MYSM1: variants seen among roughly 807,000 people sequenced by gnomAD.
MYSM1 encodes the protein Myb like, SWIRM and MPN domains 1.
MYSM1 carries 51 observed loss-of-function variants against 116.0 expected under a neutral mutation model. The observed-to-expected ratio is 0.44, with a 90% CI of 0.35 to 0.56. The LOEUF is 0.56. MYSM1 is among the 20% of genes least tolerant of loss of function. The pLI is 0.00. For missense variants in MYSM1, 900 were observed against 974.9 expected, an observed-to-expected ratio of 0.92 and a Z score of 1.02; for synonymous variants, 313 against 315.2, an observed-to-expected ratio of 0.99 and a Z score of 0.07.
chr1:58,661,161 A>T lies in MYSM1; in HGVS notation c.2328+9T>A, dbSNP rs1380716845. 3 of 1,607,350 alleles carry T rather than the reference A, an allele frequency of 1.9e-6. No homozygotes were observed. In the Admixed American group the frequency reaches 5.0e-5, roughly 27 times the overall value. ...AACAATGGAACCAATTAAAATGAAG[A>T]CAGCTTACTTTCTGCAAACAAGTCA... On this transcript the variant is annotated intron_variant, in intron 19 of 19. Coordinates refer to ENST00000472487, the MANE Select transcript of MYSM1 (RefSeq NM_001085487.3).
Position 58,658,419 on chromosome 1 carries a change from C to G in MYSM1, c.*1578G>C, listed in dbSNP as rs1306414391. ...AGAGTAGTCCAACGATTAGAATGAA[C>G]AATAAAATTTTAGTTCTGGAAGGAC... On this transcript the variant is annotated 3_prime_UTR_variant, in exon 20 of 20. Transcript: ENST00000472487. 6.6e-6 allele frequency: 1 copy of G among 151,512 alleles called. No homozygotes were observed. Among genetic ancestry groups the G allele is most frequent in the Non-Finnish European group, 1.5e-5 (1 of 67,932 alleles). 9.4% of individuals were successfully genotyped at this position (151,512 alleles called of 1,614,324 possible).
chr1:58,695,472 A>G (rs1307016609), intron 1 of MYSM1, among the ~76,000 whole-genome samples: 2 of 152,200 alleles, frequency 1.3e-5, no homozygotes, highest in African/African-American at 2.4e-5. Context: ...AGAATAAACA[A>G]TCTCATGAGG....
At chr1:58,675,394 A>C (rs1235393881) in intron 10 of MYSM1, 83 bp downstream of exon 10, 4 of 936,620 alleles carry the variant, frequency 4.3e-6, no homozygotes, top group Admixed American at 2.2e-5. Flanking sequence ...TCATTTATTA[A>C]ACAGCTCAAG....
At chr1:58,681,574 A>G (rs952375392) in intron 8 of MYSM1, among the ~76,000 whole-genome samples, 3 of 152,194 alleles carry the variant, frequency 2.0e-5, no homozygotes, top group African/African-American at 7.2e-5. Context: ...TTCCAGGCCC[A>G]CAATCTAATG....
intron 2 of MYSM1, among the ~76,000 whole-genome samples, chr1:58,693,343 G>A (rs553326686): frequency 2.0e-5 from 3 of 151,916 alleles, no homozygotes; most frequent in African/African-American, 4.8e-5. Flanking sequence ...CATTTTCAAC[G>A]CTCCAAGTTA....
Position 58,676,927 on chromosome 1 carries a change from A to G in MYSM1, c.1389T>C (p.Cys463=). Residue 463 remains cysteine, a splice_region_variant and synonymous_variant, in exon 9 of 20, where the codon TGT becomes TGC. Coordinates refer to ENST00000472487, the MANE Select transcript of MYSM1 (RefSeq NM_001085487.3). ...LELIGAINFG[C]EQAVYNRPQT... ...ATGTTGTTGGGTTTTTATTTTTACC[A>G]CATCCAAAATTGATTGCTCCTATCA... The G allele has an allele frequency of 6.2e-7, 1 of 1,610,014 alleles. No individual in the cohort carries two copies. The highest frequency in any genetic ancestry group is 8.5e-7 in the Non-Finnish European group (1 of 1,178,484).
chr1:58,672,632 CT>C (rs1313999583), intron 11 of MYSM1, among the ~76,000 whole-genome samples: 2 of 151,946 alleles, frequency 1.3e-5, no homozygotes, highest in African/African-American at 2.4e-5. Flanking sequence ...AACTATGCAC[CT>C]TTTCCAGAAT....
intron 19 of MYSM1, 65 bp downstream of exon 19, chr1:58,661,105 C>T: frequency 8.3e-7 from 1 of 1,198,618 alleles, no homozygotes; most frequent in Non-Finnish European, 1.2e-6. Flanking sequence ...CATGGGAAAA[C>T]ACATTGAGAT....
intron 8 of MYSM1, among the ~76,000 whole-genome samples, chr1:58,680,253 G>A (rs1309336771): frequency 1.3e-5 from 2 of 152,112 alleles, no homozygotes; most frequent in African/African-American, 4.8e-5. Flanking sequence ...GAAGACTGAA[G>A]TCCTTCATGT....
intron 8 of MYSM1, among the ~76,000 whole-genome samples, chr1:58,677,842 A>G (rs1304033406): frequency 1.3e-5 from 2 of 152,092 alleles, no homozygotes; most frequent in Non-Finnish European, 2.9e-5. Flanking sequence ...CTCATTTTGG[A>G]AATGAGGAAG....
chr1:58,667,758 T>G, intron 15 of MYSM1, 89 bp downstream of exon 15: 2 of 796,900 alleles, frequency 2.5e-6, no homozygotes, highest in Non-Finnish European at 4.3e-6. Flanking sequence ...AAGTCTGTAT[T>G]TTAATTATAT....
intron 15 of MYSM1, 129 bp downstream of exon 15, chr1:58,667,718 A>T (rs1644495253): frequency 3.2e-6 from 2 of 618,504 alleles, no homozygotes; most frequent in South Asian, 4.3e-5. Flanking sequence ...AACTTGCTAC[A>T]TTTGCATATT....
chr1:58,699,813 T>C (rs1015795644), intron 1 of MYSM1, 172 bp downstream of exon 1: 1 of 985,298 alleles, frequency 1.0e-6, no homozygotes, highest in African/African-American at 1.7e-5. Flanking sequence ...CCCTGCCCGC[T>C]GGGCTTGGGA....
Position 58,682,333 on chromosome 1 carries a change from G to C in MYSM1, c.711C>G (p.Pro237=), listed in dbSNP as rs1488611449. 1.1e-5 allele frequency: 18 copies of C among 1,613,956 alleles called. No individual in the cohort carries two copies. Among genetic ancestry groups the C allele is most frequent in the Non-Finnish European group, 1.4e-5 (17 of 1,179,950 alleles). The change falls in exon 8 of 20, where the codon CCC becomes CCG. Residue 237 remains proline (P), a synonymous_variant. Coordinates refer to ENST00000472487, the MANE Select transcript of MYSM1 (RefSeq NM_001085487.3). ...AGAGATCACTGCTAGAATTCTTCTG[G>C]GGTGTTTGAGAAGACAACTCGTCCA... The part of the protein sequence containing the change: ...DEVDELSSQT[P]QKNSSSDLLL...
At position 58,656,792 on chromosome 1, in the gene MYSM1, C is replaced by T. The variant is rs915152533; in HGVS notation, c.*3205G>A. Reference sequence around the variant, plus strand: ...CCAACTTATCCATTAGGCACAGTACCTAAGGCCCACAGTTTTTTAGAAGCC... The same window carrying T: ...CCAACTTATCCATTAGGCACAGTACTTAAGGCCCACAGTTTTTTAGAAGCC... On this transcript the variant is annotated 3_prime_UTR_variant, in exon 20 of 20. Coordinates refer to ENST00000472487, the MANE Select transcript of MYSM1 (RefSeq NM_001085487.3). 3.3e-5 allele frequency: 5 copies of T among 152,116 alleles called. No individual in the cohort carries two copies. Among genetic ancestry groups the T allele is most frequent in the Admixed American group, 3.3e-4 (5 of 15,264 alleles). 9.4% of individuals were successfully genotyped at this position (152,116 alleles called of 1,614,324 possible). A position where few individuals can be genotyped will look rare whatever the true frequency, so the allele number is the denominator to read the frequency against.
In MYSM1 at chr1:58,657,721, TACAAG is replaced by T. The variant is rs780582966; in HGVS notation, c.*2271_*2275del. ...CTTCTCTGTATTTTAAAATATACTT[TACAAG>T]ACAAATGTACTCTATAGTCAGAAAA... On this transcript the variant is annotated 3_prime_UTR_variant, in exon 20 of 20. Coordinates refer to ENST00000472487, the MANE Select transcript of MYSM1 (RefSeq NM_001085487.3). 2.0e-5 allele frequency: 3 copies of T among 152,188 alleles called. No homozygotes were observed. The highest frequency in any genetic ancestry group is 2.9e-5 in the Non-Finnish European group (2 of 68,034). The allele number at this position is 152,188 out of a possible 1,614,324, so 9.4% of individuals were successfully genotyped here.
intron 11 of MYSM1, 152 bp from the exon 12 acceptor site, chr1:58,672,110 G>A (rs1644570726): frequency 1.6e-6 from 1 of 612,398 alleles, no homozygotes; most frequent in Non-Finnish European, 2.8e-6. Context: ...CATGTAGAAA[G>A]ACTGGACAGT....
chr1:58,676,598 G>A (rs1192879952), intron 9 of MYSM1, among the ~76,000 whole-genome samples: 2 of 151,914 alleles, frequency 1.3e-5, no homozygotes, highest in Non-Finnish European at 2.9e-5. Context: ...CATGAATACA[G>A]TATTTGCAAA....
intron 19 of MYSM1, 30 bp from the exon 20 acceptor site, chr1:58,660,185 A>G (rs376915774): frequency 3.8e-5 from 54 of 1,434,066 alleles, no homozygotes; most frequent in Non-Finnish European, 1.5e-5. Context: ...TTATATTTAA[A>G]TACAGAAAAA....
Sources: allele counts gnomAD v4.1 joint callset (sites outside exome capture counted in the v4.1 genomes callset), GRCh38; gene constraint gnomAD v4.1.1; transcripts MANE v1.5; gene names NCBI Gene and HGNC (gene_info 2026-07-23, HGNC 2026-07-21).